The following DTWD1 variants were observed in gnomAD, a reference collection of about 807,000 sequenced individuals.
DTWD1 encodes the protein tRNA-uridine aminocarboxypropyltransferase 1.
In DTWD1, 27 loss-of-function variants were observed where a neutral mutation model predicts 30.2. That is an observed-to-expected ratio of 0.90 (90% CI 0.66 to 1.23). DTWD1 has a LOEUF of 1.23. Among genes scored for constraint, DTWD1 ranks in the 50% most tolerant of loss-of-function variants. The pLI is 0.00. For missense variants in DTWD1, 342 were observed against 348.8 expected, an observed-to-expected ratio of 0.98 and a Z score of 0.15; for synonymous variants, 99 against 113.1, an observed-to-expected ratio of 0.88 and a Z score of 0.79.
intron 2 of DTWD1, chr15:49,630,983 C>A: frequency 2.2e-6 from 1 of 448,366 alleles, no homozygotes; most frequent in Non-Finnish European, 4.5e-6. Context: ...AGATCTGTCA[C>A]TGTCTCCCAT....
rs1460296376 is a variant in DTWD1 at position 49,645,564 on chromosome 15, G to A, written c.*1986G>A. 6.6e-6 allele frequency: 1 copy of A among 151,866 alleles called. No homozygotes were observed. The highest frequency in any genetic ancestry group is 1.9e-4 in the East Asian group (1 of 5,186). The allele number at this position is 151,866 out of a possible 1,614,324, so 9.4% of individuals were successfully genotyped here. ...GGAAGGCTTGAATTGATTTAAGCAG[G>A]GCCAAAGTTGGATTTCTCTAGGCTA... On this transcript the variant is annotated 3_prime_UTR_variant, in exon 5 of 5. Coordinates refer to ENST00000403028, the MANE Select transcript of DTWD1 (RefSeq NM_001144955.2).
chr15:49,633,905 C>T (rs2078965454), intron 3 of DTWD1, among the ~76,000 whole-genome samples: 1 of 152,204 alleles, frequency 6.6e-6, no homozygotes, highest in South Asian at 2.1e-4. Flanking sequence ...GTAATTTTTC[C>T]TGGAAGGTTA....
In DTWD1 at chr15:49,649,338, G is replaced by A. The variant is rs560174409; in HGVS notation, c.*5760G>A. On this transcript the variant is annotated 3_prime_UTR_variant, in exon 5 of 5. Coordinates refer to ENST00000403028, the MANE Select transcript of DTWD1 (RefSeq NM_001144955.2). Reference sequence around the variant, plus strand: ...GTATAAAGACACAGAAGGTCTCAAAGGTATTACCTCCCATATATTCTTGAG... The same window carrying A: ...GTATAAAGACACAGAAGGTCTCAAAAGTATTACCTCCCATATATTCTTGAG... 7 of 152,186 alleles carry A rather than the reference G, an allele frequency of 4.6e-5. No individual in the cohort carries two copies. The highest frequency in any genetic ancestry group is 1.9e-4 in the East Asian group (1 of 5,170). The allele number at this position is 152,186 out of a possible 1,614,324, so 9.4% of individuals were successfully genotyped here.
intron 2 of DTWD1, 183 bp downstream of exon 2, chr15:49,625,614 T>G (rs959918471): frequency 1.1e-5 from 7 of 625,180 alleles, no homozygotes; most frequent in Non-Finnish European, 1.9e-5. Context: ...CATTTACTTC[T>G]GCAGAAGGGT....
chr15:49,642,421 T>G (rs1252949406), intron 4 of DTWD1, among the ~76,000 whole-genome samples: 1 of 152,146 alleles, frequency 6.6e-6, no homozygotes, highest in Non-Finnish European at 1.5e-5. Context: ...GAGCAAGGCA[T>G]TCTACCTGAC....
At chr15:49,638,828 A>G (rs967944721) in intron 4 of DTWD1, among the ~76,000 whole-genome samples, 5 of 152,214 alleles carry the variant, frequency 3.3e-5, no homozygotes, top group African/African-American at 4.8e-5. Context: ...ACTTGAAGGT[A>G]GAGTGCCTAA....
In DTWD1 at chr15:49,651,525, G is replaced by C. The variant is rs535422125; in HGVS notation, c.*7947G>C. 1 of 152,100 alleles carries C rather than the reference G, an allele frequency of 6.6e-6. No homozygotes were observed. 9.4% of individuals were successfully genotyped at this position (152,100 alleles called of 1,614,324 possible). A position where few individuals can be genotyped will look rare whatever the true frequency, so the allele number is the denominator to read the frequency against. On this transcript the variant is annotated 3_prime_UTR_variant, in exon 5 of 5. Transcript: ENST00000403028. Reference sequence around the variant, plus strand: ...GTAGCTTGAGTTTCAACTTACCAAGGCTGCCTTAGCTGCTGCTGCTGTTGA... The same window carrying C: ...GTAGCTTGAGTTTCAACTTACCAAGCCTGCCTTAGCTGCTGCTGCTGTTGA...
chr15:49,625,540 G>A (rs1201035582), intron 2 of DTWD1, 109 bp downstream of exon 2: 16 of 1,160,356 alleles, frequency 1.4e-5, no homozygotes, highest in Non-Finnish European at 1.9e-5. Flanking sequence ...ATTATTGTTA[G>A]AAACAAGTGC....
chr15:49,629,862 C>T (rs1311724439), intron 2 of DTWD1: 1 of 152,156 alleles, frequency 6.6e-6, no homozygotes, highest in Non-Finnish European at 1.5e-5. Flanking sequence ...GCATTTGAAA[C>T]CCTAATTGAA....
In DTWD1 at chr15:49,634,582, T is replaced by C. The variant is rs367554946; in HGVS notation, c.455T>C (p.Ile152Thr). Reference sequence around the variant, plus strand: ...CCTCAGTCTATCTCAATAAAAGATATTTCTTTTCATCTGCAAAAAAGGATT... The same window carrying C: ...CCTCAGTCTATCTCAATAAAAGATACTTCTTTTCATCTGCAAAAAAGGATT... ...PGPQSISIKDISFHLQKRIQN... is the reference protein window; with the variant it reads ...PGPQSISIKDTSFHLQKRIQN... The change falls in exon 4 of 5, where the codon ATT (isoleucine) becomes ACT (threonine). Residue 152 changes from isoleucine to threonine, a missense_variant. Physicochemically the swap from Ile to Thr is moderately conservative, Grantham distance 89 (BLOSUM62 -1). Transcript: ENST00000403028. 158 of 1,613,528 alleles carry C rather than the reference T, an allele frequency of 9.8e-5. No individual in the cohort carries two copies. The highest frequency in any genetic ancestry group is 1.1e-4 in the Non-Finnish European group (133 of 1,179,760).
chr15:49,650,008 TGAGA>T lies in DTWD1; in HGVS notation c.*6436_*6439del, dbSNP rs900970986. The T allele has an allele frequency of 6.6e-6, 1 of 151,912 alleles. No individual in the cohort carries two copies. The highest frequency in any genetic ancestry group is 2.4e-5 in the African/African-American group (1 of 41,244). The allele number at this position is 151,912 out of a possible 1,614,324, so 9.4% of individuals were successfully genotyped here. A position where few individuals can be genotyped will look rare whatever the true frequency, so the allele number is the denominator to read the frequency against. ...AGGTAAAATTGAGCAGAGACCTAAATGAGAGAGAGTGAACCATGCGAATAATTAA... is the reference window on the plus strand; with the variant it reads ...AGGTAAAATTGAGCAGAGACCTAAATGAGAGTGAACCATGCGAATAATTAA... On this transcript the variant is annotated 3_prime_UTR_variant, in exon 5 of 5. Transcript: ENST00000403028.
At position 49,655,871 on chromosome 15, in the gene DTWD1, T is replaced by C. The variant is rs1236558452; in HGVS notation, c.*12293T>C. ...GGTATGCACTAAGTTTATGGGAAGA[T>C]ATGCCATCTACATAATTTACCTTCC... is the stretch of plus-strand genomic sequence containing the variant. On this transcript the variant is annotated 3_prime_UTR_variant, in exon 5 of 5. Transcript: ENST00000403028. 2.0e-5 allele frequency: 3 copies of C among 152,052 alleles called. No homozygotes were observed. The highest frequency in any genetic ancestry group is 4.4e-5 in the Non-Finnish European group (3 of 67,986). 9.4% of individuals were successfully genotyped at this position (152,052 alleles called of 1,614,324 possible). A position where few individuals can be genotyped will look rare whatever the true frequency, so the allele number is the denominator to read the frequency against.
rs549849890 is a variant in DTWD1, at chr15:49,634,572, A to G, written c.445A>G (p.Ile149Val). 32 of 1,613,304 alleles carry G rather than the reference A, an allele frequency of 2.0e-5. No individual in the cohort carries two copies. The highest frequency in any genetic ancestry group is 5.5e-5 in the South Asian group (5 of 90,954). The change falls in exon 4 of 5, where the codon ATA (isoleucine) becomes GTA (valine). Residue 149 changes from isoleucine (I) to valine (V), a missense_variant. Physicochemically the swap from Ile to Val is conservative, Grantham distance 29 (BLOSUM62 3). Coordinates refer to ENST00000403028, the MANE Select transcript of DTWD1 (RefSeq NM_001144955.2). ...LIFPGPQSIS[I>V]KDISFHLQKR... ...TTTTCCTGGACCTCAGTCTATCTCAATAAAAGATATTTCTTTTCATCTGCA... is the reference window on the plus strand; with the variant it reads ...TTTTCCTGGACCTCAGTCTATCTCAGTAAAAGATATTTCTTTTCATCTGCA...
rs1383629392 is a variant in DTWD1 at position 49,625,908 on chromosome 15, C to G, written c.264+477C>G. Among the ~76,000 whole-genome samples the G allele has an allele frequency of 2.0e-5, 3 of 152,112 alleles. No individual in the cohort carries two copies. The East Asian group carries it at 5.8e-4, about 29-fold the overall frequency. ...GGGAGGGTTGTTTGCAGGCTGGAAA[C>G]GAGAGTACAAGGAGCTTGGGCTTCT... is the stretch of plus-strand genomic sequence containing the variant. On this transcript the variant is annotated intron_variant, in intron 2 of 4. Coordinates refer to ENST00000403028, the MANE Select transcript of DTWD1 (RefSeq NM_001144955.2).
rs1013564837 is a variant in DTWD1 at position 49,647,290 on chromosome 15, C to G, written c.*3712C>G. 6.6e-6 allele frequency: 1 copy of G among 152,136 alleles called. No homozygotes were observed. The highest frequency in any genetic ancestry group is 1.5e-5 in the Non-Finnish European group (1 of 68,028). The allele number at this position is 152,136 out of a possible 1,614,324, so 9.4% of individuals were successfully genotyped here. On this transcript the variant is annotated 3_prime_UTR_variant, in exon 5 of 5. Transcript: ENST00000403028. ...TCTTTGAGGCCATGTTAATGGCAGT[C>G]CCTTGATTTGGTCTTTGTACTAGGC...
rs1417731666 is a variant in DTWD1 at position 49,646,367 on chromosome 15, C to T, written c.*2789C>T. ...AAGTACCTTAGAAGATTCTCAGTCT[C>T]ATGTTTCTTGGGCTCTTGACCACTT... On this transcript the variant is annotated 3_prime_UTR_variant, in exon 5 of 5. Coordinates refer to ENST00000403028, the MANE Select transcript of DTWD1 (RefSeq NM_001144955.2). 6.6e-6 allele frequency: 1 copy of T among 152,192 alleles called. No individual in the cohort carries two copies. Among genetic ancestry groups the T allele is most frequent in the Non-Finnish European group, 1.5e-5 (1 of 68,042 alleles). 9.4% of individuals were successfully genotyped at this position (152,192 alleles called of 1,614,324 possible).
In DTWD1 at chr15:49,649,488, G is replaced by GC. The variant is rs1471395695; in HGVS notation, c.*5911dup. On this transcript the variant is annotated 3_prime_UTR_variant, in exon 5 of 5. Coordinates refer to ENST00000403028, the MANE Select transcript of DTWD1 (RefSeq NM_001144955.2). ...GCGGTGGCTCACGCCTCTAATCCCA[G>GC]CACTTTAGGAGGCCAAGGCAGGTGG... The GC allele has an allele frequency of 2.0e-5, 3 of 152,226 alleles. No homozygotes were observed. The highest frequency in any genetic ancestry group is 7.2e-5 in the African/African-American group (3 of 41,452). The allele number at this position is 152,226 out of a possible 1,614,324, so 9.4% of individuals were successfully genotyped here.
chr15:49,630,691 T>C (rs2078907477), intron 2 of DTWD1: 1 of 152,458 alleles, frequency 6.6e-6, no homozygotes, highest in African/African-American at 2.4e-5. Flanking sequence ...ATAATGAAAC[T>C]TCAAGGGAAA....
intron 2 of DTWD1, chr15:49,630,874 A>T (rs1044346220): frequency 4.8e-5 from 12 of 248,646 alleles, no homozygotes; most frequent in Non-Finnish European, 1.0e-4. Context: ...CTGTCAGATC[A>T]GCGGCAGCAT....
Sources: allele counts gnomAD v4.1 joint callset (sites outside exome capture counted in the v4.1 genomes callset), GRCh38; gene constraint gnomAD v4.1.1; transcripts MANE v1.5; gene names NCBI Gene and HGNC (gene_info 2026-07-23, HGNC 2026-07-21).